Variants in EIF2S1 observed in about 807,000 individuals in gnomAD.
The protein encoded by EIF2S1 is eukaryotic translation initiation factor 2 subunit 1.
EIF2S1 carries 5 observed loss-of-function variants against 33.5 expected under a neutral mutation model. The observed-to-expected ratio is 0.15, with a 90% confidence interval of 0.08 to 0.31. EIF2S1 has a LOEUF of 0.31. Ranked by LOEUF, EIF2S1 falls within the 10% of genes least tolerant of loss-of-function variation. The pLI is 1.00. For missense variants in EIF2S1, 191 were observed against 384.6 expected (o/e 0.50, Z 4.21); for synonymous variants, 99 against 127.5 (o/e 0.78, Z 1.51).
rs1038859739 is a variant in EIF2S1 at position 67,385,432 on chromosome 14, C to G, written c.*1992C>G. 1.5e-5 allele frequency: 2 copies of G among 133,468 alleles called. No homozygotes were observed. Among genetic ancestry groups the G allele is most frequent in the African/African-American group, 6.8e-5 (2 of 29,344 alleles). 8.3% of individuals were successfully genotyped at this position (133,468 alleles called of 1,614,324 possible). ...TCGAGCCTGGGTGACAGGGCAAGACCCTGTCTCAAAAAAAAAAAAAAAAAC... is the reference window on the plus strand; with the variant it reads ...TCGAGCCTGGGTGACAGGGCAAGACGCTGTCTCAAAAAAAAAAAAAAAAAC... On this transcript the variant is annotated 3_prime_UTR_variant, in exon 8 of 8. Transcript: ENST00000256383.
chr14:67,361,653 A>T (rs972432994), intron 1 of EIF2S1, among the ~76,000 whole-genome samples: 2 of 152,242 alleles, frequency 1.3e-5, no homozygotes, highest in African/African-American at 4.8e-5. Flanking sequence ...ACCATTTGTC[A>T]TGCAAAATAA....
intron 2 of EIF2S1, among the ~76,000 whole-genome samples, chr14:67,367,112 G>C (rs2085784355): frequency 6.6e-6 from 1 of 152,176 alleles, no homozygotes; most frequent in South Asian, 2.1e-4. Context: ...GAAACACAGG[G>C]TGGACTCCAG....
rs748782421 is a variant in EIF2S1 at position 67,383,534 on chromosome 14, C to G, written c.*94C>G. 1 of 1,513,222 alleles carries G rather than the reference C, an allele frequency of 6.6e-7. No homozygotes were observed. The highest frequency in any genetic ancestry group is 1.9e-5 in the Admixed American group (1 of 53,932). 93.7% of individuals were successfully genotyped at this position (1,513,222 alleles called of 1,614,324 possible). On this transcript the variant is annotated 3_prime_UTR_variant, in exon 8 of 8. Coordinates refer to ENST00000256383, the MANE Select transcript of EIF2S1 (RefSeq NM_004094.5). ...GAAAGTTTTCCAGTATTGAAAACTT[C>G]AAAGCTGAATATTTTTTATTTCTAA...
At chr14:67,372,035 T>TG (rs1163269019) in intron 2 of EIF2S1, among the ~76,000 whole-genome samples, 1 of 151,988 alleles carries the variant, frequency 6.6e-6, no homozygotes, top group South Asian at 2.1e-4. Flanking sequence ...GAGGCCTAGG[T>TG]GGGGGGATCA....
Position 67,383,840 on chromosome 14 carries a change from A to G in EIF2S1, c.*400A>G, listed in dbSNP as rs1368395020. ...TAAAATGTATTCAAGCAAACATCAA[A>G]TAAATTTCTGGGATATTTAACTATA... On this transcript the variant is annotated 3_prime_UTR_variant, in exon 8 of 8. Transcript: ENST00000256383. 1.6e-5 allele frequency: 4 copies of G among 243,164 alleles called. No homozygotes were observed. Among genetic ancestry groups the G allele is most frequent in the Non-Finnish European group, 2.5e-5 (3 of 121,908 alleles). 15.1% of individuals were successfully genotyped at this position (243,164 alleles called of 1,614,324 possible).
Position 67,380,710 on chromosome 14 carries a change from A to G in EIF2S1, c.525A>G (p.Val175=). 1 of 1,587,032 alleles carries G rather than the reference A, an allele frequency of 6.3e-7. No individual in the cohort carries two copies. Among genetic ancestry groups the G allele is most frequent in the South Asian group, 1.2e-5 (1 of 85,478 alleles). ...ATTTGAATGAAGATGAACGGGAAGT[A>G]CTCATTAATAATATTAATAGGCGCT... ...SLDLNEDERE[V]LINNINRRLT... Residue 175 remains valine, a synonymous_variant, in exon 5 of 8, where the codon GTA becomes GTG. Coordinates refer to ENST00000256383, the MANE Select transcript of EIF2S1 (RefSeq NM_004094.5).
intron 5 of EIF2S1, 126 bp downstream of exon 5, chr14:67,380,891 T>A: frequency 2.1e-6 from 1 of 472,530 alleles, no homozygotes; most frequent in Non-Finnish European, 3.7e-6. Flanking sequence ...TGGTTGTTTT[T>A]TATAACAAAA....
At chr14:67,372,794 C>T (rs761462509) in intron 2 of EIF2S1, among the ~76,000 whole-genome samples, 9 of 151,462 alleles carry the variant, frequency 5.9e-5, no homozygotes, top group Non-Finnish European at 1.3e-4. Context: ...CCCCACTGCA[C>T]TCCAGCCTGG....
chr14:67,367,300 G>T (rs376900198), intron 2 of EIF2S1, among the ~76,000 whole-genome samples: 1 of 152,178 alleles, frequency 6.6e-6, no homozygotes, highest in East Asian at 1.9e-4. Flanking sequence ...GCACGATCTT[G>T]GCTCACTGCA....
intron 5 of EIF2S1, among the ~76,000 whole-genome samples, chr14:67,381,107 C>A (rs1162386801): frequency 1.3e-5 from 2 of 152,152 alleles, no homozygotes; most frequent in Non-Finnish European, 2.9e-5. Context: ...CTAGCCTTTT[C>A]CACCCAGTGT....
chr14:67,373,820 A>G (rs999665099), intron 2 of EIF2S1, among the ~76,000 whole-genome samples: 1 of 149,508 alleles, frequency 6.7e-6, no homozygotes, highest in Admixed American at 6.7e-5. Flanking sequence ...CATACAGTAG[A>G]TTAGATAGTT....
Position 67,383,299 on chromosome 14 carries a change from A to G in EIF2S1, c.823-16A>G, listed in dbSNP as rs1320736190. ...ATTTACTACTTCAGTTTGAAATTATACCTCTGCTTCCACAGCCCAAAGTGG... is the reference window on the plus strand; with the variant it reads ...ATTTACTACTTCAGTTTGAAATTATGCCTCTGCTTCCACAGCCCAAAGTGG... On this transcript the variant is annotated splice_polypyrimidine_tract_variant and intron_variant, in intron 7 of 7. Coordinates refer to ENST00000256383, the MANE Select transcript of EIF2S1 (RefSeq NM_004094.5). 6.2e-7 allele frequency: 1 copy of G among 1,611,698 alleles called. No individual in the cohort carries two copies. The highest frequency in any genetic ancestry group is 8.5e-7 in the Non-Finnish European group (1 of 1,178,316).
chr14:67,378,124 T>C (rs1317413190), intron 4 of EIF2S1, among the ~76,000 whole-genome samples: 1 of 134,258 alleles, frequency 7.4e-6, no homozygotes, highest in African/African-American at 2.8e-5. Flanking sequence ...CCTTGTCTCT[T>C]AAAAAAAAAA....
Position 67,364,804 on chromosome 14 carries a change from T to C in EIF2S1, c.37T>C (p.Phe13Leu). Residue 13 changes from phenylalanine to leucine, a missense_variant, in exon 2 of 8, where the codon TTT (phenylalanine) becomes CTT (leucine). Physicochemically the swap from Phe to Leu is conservative, Grantham distance 22. Transcript: ENST00000256383. Reference sequence around the variant, plus strand: ...AAGTTGTAGATTTTATCAACACAAATTTCCTGAGGTGGAAGATGTAGTGAT... The same window carrying C: ...AAGTTGTAGATTTTATCAACACAAACTTCCTGAGGTGGAAGATGTAGTGAT... ...GLSCRFYQHK[F>L]PEVEDVVMVN... 2 of 1,613,858 alleles carry C rather than the reference T, an allele frequency of 1.2e-6. No individual in the cohort carries two copies. The highest frequency in any genetic ancestry group is 1.7e-6 in the Non-Finnish European group (2 of 1,179,836).
intron 4 of EIF2S1, among the ~76,000 whole-genome samples, chr14:67,380,429 A>T (rs1399999197): frequency 6.6e-6 from 1 of 152,194 alleles, no homozygotes; most frequent in Non-Finnish European, 1.5e-5. Context: ...GTTAGGCATT[A>T]AATTGCTTGT....
At chr14:67,371,445 CG>C (rs960013241) in intron 2 of EIF2S1, among the ~76,000 whole-genome samples, 8 of 151,736 alleles carry the variant, frequency 5.3e-5, no homozygotes, top group African/African-American at 1.9e-4. Flanking sequence ...GTTAAGGAGG[CG>C]GGAACACTTT....
chr14:67,384,380 T>TC lies in EIF2S1; in HGVS notation c.*940_*941insC, dbSNP rs397766076. ...ACACTTACTGTTGTTTTTTTTTTTT[T>TC]ACATGTTTCCATCATTTCTGTCTTT... On this transcript the variant is annotated 3_prime_UTR_variant, in exon 8 of 8. Coordinates refer to ENST00000256383, the MANE Select transcript of EIF2S1 (RefSeq NM_004094.5). The TC allele has an allele frequency of 2.3e-4, 35 of 151,956 alleles. No individual in the cohort carries two copies. Among genetic ancestry groups the TC allele is most frequent in the African/African-American group, 8.5e-4 (35 of 41,376 alleles). The allele number at this position is 151,956 out of a possible 1,614,324, so 9.4% of individuals were successfully genotyped here.
At chr14:67,371,427 A>C (rs2085820526) in intron 2 of EIF2S1, among the ~76,000 whole-genome samples, 1 of 152,158 alleles carries the variant, frequency 6.6e-6, no homozygotes, top group Non-Finnish European at 1.5e-5. Context: ...CCCACCAAAA[A>C]AAAAAAAGTT....
At chr14:67,378,424 CTAT>C (rs541677685) in intron 4 of EIF2S1, among the ~76,000 whole-genome samples, 64 of 148,354 alleles carry the variant, frequency 4.3e-4, no homozygotes, top group Non-Finnish European at 7.5e-4. Context: ...GGTATAAATG[CTAT>C]TATTATCCTT....
Sources: gnomAD v4.1 joint callset for allele counts (sites outside exome capture counted in the v4.1 genomes callset) on GRCh38, gnomAD v4.1.1 for gene constraint, MANE v1.5 for transcripts, NCBI Gene and HGNC (gene_info 2026-07-23, HGNC 2026-07-21) for gene names.